CNTN5: variants seen among roughly 807,000 people sequenced by gnomAD.
The protein encoded by CNTN5 is contactin-5.
In CNTN5, 77 loss-of-function variants were observed where a neutral mutation model predicts 129.1. The observed-to-expected ratio is 0.60, with a 90% confidence interval of 0.50 to 0.72. The LOEUF is 0.72. Among genes scored for constraint, CNTN5 ranks in the 30% least tolerant of loss-of-function variants. The pLI, the probability that CNTN5 is intolerant of heterozygous loss-of-function variation, is 0.00. For synonymous variants in CNTN5, 509 were observed against 465.6 expected, an observed-to-expected ratio of 1.09 and a Z score of -1.20; for missense variants, 1,478 against 1,328.8, an observed-to-expected ratio of 1.11 and a Z score of -1.75.
intron 7 of CNTN5, among the ~76,000 whole-genome samples, chr11:99,929,364 C>T (rs1169944369): frequency 6.6e-6 from 1 of 152,158 alleles, no homozygotes; most frequent in Non-Finnish European, 1.5e-5. Context: ...TACCCAGTTG[C>T]AAATTTGCTT....
At chr11:99,236,860 G>T (rs1861298268) in intron 1 of CNTN5, among the ~76,000 whole-genome samples, 1 of 151,634 alleles carries the variant, frequency 6.6e-6, no homozygotes. Context: ...CATTCAGTTT[G>T]CTCTCGGAGT....
At chr11:99,640,680 A>C (rs899642213) in intron 3 of CNTN5, among the ~76,000 whole-genome samples, 2 of 152,236 alleles carry the variant, frequency 1.3e-5, no homozygotes, top group Admixed American at 6.5e-5. Flanking sequence ...AGTAATGCAC[A>C]TGCTGTCCAG....
intron 9 of CNTN5, among the ~76,000 whole-genome samples, chr11:100,007,555 A>G (rs1186801396): frequency 1.3e-5 from 2 of 152,084 alleles, no homozygotes; most frequent in African/African-American, 4.8e-5. Context: ...CTTATAAACC[A>G]GCCTCTGCTA....
chr11:99,796,119 C>T (rs767464248), intron 3 of CNTN5, among the ~76,000 whole-genome samples: 4 of 152,160 alleles, frequency 2.6e-5, no homozygotes, highest in Admixed American at 1.3e-4. Flanking sequence ...CACTCAATCA[C>T]ACTGCTAGCA....
chr11:99,187,888 AAAG>A (rs1858434918), intron 1 of CNTN5, among the ~76,000 whole-genome samples: 4 of 115,354 alleles, frequency 3.5e-5, no homozygotes, highest in Middle Eastern at 5.7e-3. Context: ...TACATTTAAG[AAAG>A]TCTTAATCCA....
intron 13 of CNTN5, among the ~76,000 whole-genome samples, chr11:100,157,742 A>G (rs1289575281): frequency 6.6e-6 from 1 of 151,836 alleles, no homozygotes; most frequent in African/African-American, 2.4e-5. Flanking sequence ...ACTGACACCA[A>G]TTGGCTTGCA....
intron 16 of CNTN5, among the ~76,000 whole-genome samples, chr11:100,248,739 G>A (rs1022158837): frequency 6.6e-6 from 1 of 152,082 alleles, no homozygotes; most frequent in African/African-American, 2.4e-5. Context: ...TGCTTGGCAC[G>A]GAGAATTCAT....
intron 9 of CNTN5, among the ~76,000 whole-genome samples, chr11:100,031,407 A>G (rs1941700764): frequency 6.6e-6 from 1 of 152,122 alleles, no homozygotes; most frequent in South Asian, 2.1e-4. Context: ...CTGTCCCAGA[A>G]AAGCAGATGT....
Position 99,284,007 on chromosome 11 carries a change from A to G in CNTN5, c.-209-41339A>G, listed in dbSNP as rs949929214. Among the ~76,000 whole-genome samples the G allele has an allele frequency of 1.1e-4, 16 of 152,258 alleles. No individual in the cohort carries two copies. The South Asian group carries it at 2.9e-3, about 28-fold the overall frequency. ...CTTCAAAGTAAACTTTAGCGTGGTA[A>G]CAAGGTTGCTGAAGTCACATAACTA... On this transcript the variant is annotated intron_variant, in intron 1 of 24. Transcript: ENST00000524871.
intron 9 of CNTN5, among the ~76,000 whole-genome samples, chr11:100,027,300 G>T (rs1424567545): frequency 2.6e-5 from 4 of 152,064 alleles, no homozygotes; most frequent in Non-Finnish European, 5.9e-5. Context: ...TTTGTTCTGA[G>T]ATATGGTTAA....
Position 99,567,816 on chromosome 11 carries a change from C to T in CNTN5, c.55+11547C>T, listed in dbSNP as rs183273884. ...TCAGCTGTGCCCTGGCGGTATTAGA[C>T]GTGTAATTAATCAGAAGACAATTTA... On this transcript the variant is annotated intron_variant, in intron 3 of 24. Transcript: ENST00000524871. Among the ~76,000 whole-genome samples, 7 of 152,142 alleles carry T rather than the reference C, an allele frequency of 4.6e-5. No individual in the cohort carries two copies. In the East Asian group the frequency reaches 1.4e-3, roughly 29 times the overall value.
chr11:100,296,384 A>G (rs976265005), intron 18 of CNTN5, among the ~76,000 whole-genome samples: 1 of 151,204 alleles, frequency 6.6e-6, no homozygotes, highest in African/African-American at 2.4e-5. Context: ...CTTGAATGAG[A>G]GAAAAAAAGG....
At chr11:100,147,543 G>A (rs574238048) in intron 13 of CNTN5, among the ~76,000 whole-genome samples, 29 of 152,046 alleles carry the variant, frequency 1.9e-4, no homozygotes, top group Admixed American at 5.9e-4. Flanking sequence ...AGTTCTGCTC[G>A]GAAGCCGCGA....
intron 3 of CNTN5, among the ~76,000 whole-genome samples, chr11:99,699,310 TTTAAAATTAACATC>T (rs1471050084): frequency 6.6e-5 from 10 of 151,454 alleles, no homozygotes; most frequent in African/African-American, 2.4e-4. Flanking sequence ...TTCTAATGCT[TTTAAAATTAACATC>T]TAAAAAACTT....
intron 1 of CNTN5, among the ~76,000 whole-genome samples, chr11:99,263,821 C>A (rs1362537969): frequency 6.6e-6 from 1 of 151,848 alleles, no homozygotes; most frequent in Admixed American, 6.6e-5. Context: ...AGGTTCTTAC[C>A]ATATTACCCT....
At chr11:99,168,810 T>C (rs1456930547) in intron 1 of CNTN5, among the ~76,000 whole-genome samples, 1 of 152,156 alleles carries the variant, frequency 6.6e-6, no homozygotes, top group Non-Finnish European at 1.5e-5. Context: ...CAAGCACATA[T>C]GGAAGAAGAA....
intron 6 of CNTN5, among the ~76,000 whole-genome samples, chr11:99,887,598 C>A (rs1294578488): frequency 6.6e-6 from 1 of 152,118 alleles, no homozygotes; most frequent in African/African-American, 2.4e-5. Context: ...GCAAGGAAGC[C>A]AGTCCAAGTC....
rs141614994 is a variant in CNTN5, at chr11:99,077,464, A to G, written c.-210+56194A>G. ...TCTGGATACAGTTTGTATATTATTT[A>G]TTACAGTGGTCCTTAGTGATACACA... On this transcript the variant is annotated intron_variant, in intron 1 of 24. Transcript: ENST00000524871. Among the ~76,000 whole-genome samples, 184 of 152,316 alleles carry G rather than the reference A, an allele frequency of 1.2e-3. 1 individual carries two copies. Among genetic ancestry groups the G allele is most frequent in the African/African-American group, 4.2e-3 (174 of 41,572 alleles).
chr11:100,311,699 T>C (rs1951477819), intron 21 of CNTN5, among the ~76,000 whole-genome samples: 1 of 151,956 alleles, frequency 6.6e-6, no homozygotes, highest in Non-Finnish European at 1.5e-5. Context: ...GAATGTTCCA[T>C]GCTGTCAAAT....
Sources: allele counts gnomAD v4.1 joint callset (sites outside exome capture counted in the v4.1 genomes callset), GRCh38; gene constraint gnomAD v4.1.1; transcripts MANE v1.5; gene names NCBI Gene and HGNC (gene_info 2026-07-23, HGNC 2026-07-21).